The following DCHS1 variants were observed in gnomAD, a reference collection of about 807,000 sequenced individuals.
DCHS1 encodes the protein protocadherin-16.
In DCHS1, 78 loss-of-function variants were observed where a neutral mutation model predicts 213.9. That is an observed-to-expected ratio of 0.36 (90% CI 0.30 to 0.44). DCHS1 has a LOEUF of 0.44. DCHS1 is among the 20% of genes least tolerant of loss of function. DCHS1 has a pLI of 1.00. For synonymous variants in DCHS1, 1,828 were observed against 1,873.7 expected, an observed-to-expected ratio of 0.98 and a Z score of 0.63; for missense variants, 3,946 against 4,395.9, an observed-to-expected ratio of 0.90 and a Z score of 2.89.
chr11:6,655,703 G>A lies in DCHS1; in HGVS notation c.-261C>T, dbSNP rs1856306448. ...GTCTCCGAGGCCCGCGATCCCCTCC[G>A]GGCAGCCGCCGTCGGTCCGCGCGCC... On this transcript the variant is annotated 5_prime_UTR_variant, in exon 1 of 21. Transcript: ENST00000299441. 2.0e-6 allele frequency: 2 copies of A among 978,044 alleles called. No individual in the cohort carries two copies. The allele number at this position is 978,044 out of a possible 1,614,324, so 60.6% of individuals were successfully genotyped here.
chr11:6,648,031 G>T (rs899797799), intron 1 of DCHS1, among the ~76,000 whole-genome samples: 1 of 152,216 alleles, frequency 6.6e-6, no homozygotes, highest in Non-Finnish European at 1.5e-5. Flanking sequence ...CAGGGTTCTG[G>T]CCAGGTTACT....
Position 6,641,147 on chromosome 11 carries a change from G to A in DCHS1, c.467C>T (p.Thr156Ile), listed in dbSNP as rs1246053165. ...ARAALQVPEH[T>I]AFGTRYPLEP... ...CAGTGGGTAGCGGGTGCCAAAAGCT[G>A]TATGCTCAGGTACCTGCAGGGCAGC... The change falls in exon 2 of 21, where the codon ACA (threonine) becomes ATA (isoleucine). Residue 156 changes from threonine (T) to isoleucine (I), a missense_variant. Coordinates refer to ENST00000299441, the MANE Select transcript of DCHS1 (RefSeq NM_003737.4). This position sits in a 1 kb window ranked among gnomAD's most constrained non-coding sequence, Gnocchi z 7.1. 1.2e-6 allele frequency: 2 copies of A among 1,613,734 alleles called. No individual in the cohort carries two copies. Among genetic ancestry groups the A allele is most frequent in the East Asian group, 2.2e-5 (1 of 44,892 alleles).
intron 12 of DCHS1, 100 bp downstream of exon 12, chr11:6,629,351 AG>A: frequency 2.7e-6 from 4 of 1,473,050 alleles, no homozygotes; most frequent in Non-Finnish European, 3.6e-6. Context: ...TTGTGGTAAT[AG>A]GCAAAAACTT....
At position 6,630,532 on chromosome 11, in the gene DCHS1, C is replaced by G. The variant is rs1470639252; in HGVS notation, c.4262G>C (p.Arg1421Pro). 13 of 1,532,068 alleles carry G rather than the reference C, an allele frequency of 8.5e-6. No individual in the cohort carries two copies. The highest frequency in any genetic ancestry group is 1.0e-5 in the Non-Finnish European group (12 of 1,145,896). 94.9% of individuals were successfully genotyped at this position (1,532,068 alleles called of 1,614,324 possible). A position where few individuals can be genotyped will look rare whatever the true frequency, so the allele number is the denominator to read the frequency against. ...CTCGTCCTGCACTTGCACCTGCACT[C>G]GCAGCAGCCGCGCGCCCGCGCCTCC... ...GPGGAGARLL[R>P]VQVQVQDENE... The change falls in exon 10 of 21, where the codon CGA (arginine) becomes CCA (proline). Residue 1421 changes from arginine to proline, a missense_variant. Coordinates refer to ENST00000299441, the MANE Select transcript of DCHS1 (RefSeq NM_003737.4).
At position 6,627,697 on chromosome 11, in the gene DCHS1, T is replaced by C. The variant is rs745571652; in HGVS notation, c.5372-30A>G. On this transcript the variant is annotated intron_variant, in intron 13 of 20. Transcript: ENST00000299441. The surrounding 1 kb of genome is among the most constrained non-coding windows in gnomAD (Gnocchi z 5.4). ...AGAGAAGGGCATGCACATATAAATATACATGTGTCGTGGGGATGGGGGTGA... is the reference window on the plus strand; with the variant it reads ...AGAGAAGGGCATGCACATATAAATACACATGTGTCGTGGGGATGGGGGTGA... The C allele has an allele frequency of 6.3e-7, 1 of 1,594,308 alleles. No homozygotes were observed. The highest frequency in any genetic ancestry group is 8.6e-7 in the Non-Finnish European group (1 of 1,166,938).
chr11:6,654,877 T>C (rs1442849282), intron 1 of DCHS1, among the ~76,000 whole-genome samples: 1 of 152,062 alleles, frequency 6.6e-6, no homozygotes, highest in Non-Finnish European at 1.5e-5. Flanking sequence ...CCCCTCCACG[T>C]GGGACCCACG....
Position 6,623,204 on chromosome 11 carries a change from T to C in DCHS1, c.8472A>G (p.Glu2824=), listed in dbSNP as rs752387035. 39 of 1,601,552 alleles carry C rather than the reference T, an allele frequency of 2.4e-5. No homozygotes were observed. The South Asian group carries it at 4.0e-4, about 17-fold the overall frequency. Residue 2824 remains glutamate, a synonymous_variant, in exon 21 of 21, where the codon GAA becomes GAG. Transcript: ENST00000299441. ...LAPAFHFQVP[E]GARRGHSLGH... is the part of the protein sequence containing the mutation. Reference sequence around the variant, plus strand: ...CCAAGCTGTGGCCACGCCGGGCACCTTCGGGCACTTGGAAGTGGAAAGCTG... The same window carrying C: ...CCAAGCTGTGGCCACGCCGGGCACCCTCGGGCACTTGGAAGTGGAAAGCTG...
chr11:6,640,558 C>A lies in DCHS1; in HGVS notation c.1056G>T (p.Val352=), dbSNP rs1383508460. 1 of 1,609,394 alleles carries A rather than the reference C, an allele frequency of 6.2e-7. No individual in the cohort carries two copies. The highest frequency in any genetic ancestry group is 8.5e-7 in the Non-Finnish European group (1 of 1,179,846). ...AGGGCTGATTGTCATTGGCATCTCG[C>A]ACATGCACAGTCACAAAGGCCGAGC... ...ELGSAFVTVH[V]RDANDNQPSM... Residue 352 remains valine, a synonymous_variant, in exon 2 of 21, where the codon GTG becomes GTT. Transcript: ENST00000299441. This position sits in a 1 kb window ranked among gnomAD's most constrained non-coding sequence, Gnocchi z 6.5.
chr11:6,645,767 G>A (rs1856145218), intron 1 of DCHS1, among the ~76,000 whole-genome samples: 1 of 152,082 alleles, frequency 6.6e-6, no homozygotes, highest in East Asian at 1.9e-4. Flanking sequence ...ACACGCAAAG[G>A]TGCACACTCA....
chr11:6,630,065 C>A lies in DCHS1; in HGVS notation c.4729G>T (p.Ala1577Ser). The change falls in exon 10 of 21, where the codon GCT (alanine) becomes TCT (serine). Residue 1577 changes from alanine (A) to serine (S), a missense_variant. Transcript: ENST00000299441. ...GCCAGCCGATAGGACACGCGTGCAG[C>A]CTCGCCCAGATCCGGGTCCCGGGCT... ...VVARDPDLGE[A>S]ARVSYRLASG... The A allele has an allele frequency of 1.3e-6, 2 of 1,573,100 alleles. No individual in the cohort carries two copies. Among genetic ancestry groups the A allele is most frequent in the South Asian group, 2.4e-5 (2 of 85,036 alleles).
At position 6,640,610 on chromosome 11, in the gene DCHS1, C is replaced by T. The variant is rs759077108; in HGVS notation, c.1004G>A (p.Arg335Gln). 15 of 1,609,122 alleles carry T rather than the reference C, an allele frequency of 9.3e-6. No homozygotes were observed. In the Admixed American group the frequency reaches 1.7e-4, roughly 18 times the overall value. Residue 335 changes from arginine (R) to glutamine (Q), a missense_variant, in exon 2 of 21, where the codon CGA becomes CAA. Arg to Gln is a conservative substitution (Grantham distance 43). Transcript: ENST00000299441. The surrounding 1 kb of genome is among the most constrained non-coding windows in gnomAD (Gnocchi z 6.5). ...RRVHELVVQA[R>Q]DGGAHPELGS... ...CAGCTCAGGGTGAGCCCCACCATCT[C>T]GTGCTTGCACCACCAGTTCATGGAC...
chr11:6,624,680 T>G (rs202152693), intron 20 of DCHS1, 50 bp downstream of exon 20: 32 of 1,611,358 alleles, frequency 2.0e-5, no homozygotes, highest in Non-Finnish European at 2.5e-5. Flanking sequence ...GAGGTCAGAT[T>G]ACAGCCCAAC....
At chr11:6,655,063 C>A (rs1164544219) in intron 1 of DCHS1, among the ~76,000 whole-genome samples, 3 of 152,140 alleles carry the variant, frequency 2.0e-5, no homozygotes, top group African/African-American at 7.2e-5. Flanking sequence ...CACTCAGTTT[C>A]TTTGTCTCTG....
At chr11:6,636,817 T>C (rs950798962) in intron 2 of DCHS1, among the ~76,000 whole-genome samples, 2 of 152,198 alleles carry the variant, frequency 1.3e-5, no homozygotes, top group Middle Eastern at 3.2e-3. Context: ...TGCCTTTTAC[T>C]TCAGCCATCG....
At chr11:6,643,302 A>AT (rs936103021) in intron 1 of DCHS1, among the ~76,000 whole-genome samples, 5 of 151,972 alleles carry the variant, frequency 3.3e-5, no homozygotes, top group African/African-American at 7.3e-5. Context: ...TTTCTGAAAG[A>AT]TTTTTTCATT....
At position 6,626,537 on chromosome 11, in the gene DCHS1, G is replaced by A. The variant is rs1199567722; in HGVS notation, c.6364+15C>T. On this transcript the variant is annotated intron_variant, in intron 15 of 20. Coordinates refer to ENST00000299441, the MANE Select transcript of DCHS1 (RefSeq NM_003737.4). The surrounding 1 kb of genome is among the most constrained non-coding windows in gnomAD (Gnocchi z 5.2). ...GTAGCCTGTCCTGCACAGAGCCCCT[G>A]CTCCTATTTCTTACCTGTACTAGGC... 8 of 1,612,634 alleles carry A rather than the reference G, an allele frequency of 5.0e-6. No individual in the cohort carries two copies. Among genetic ancestry groups the A allele is most frequent in the African/African-American group, 1.3e-5 (1 of 74,898 alleles).
Position 6,622,063 on chromosome 11 carries a change from T to C in DCHS1, c.9613A>G (p.Ile3205Val). 1.2e-6 allele frequency: 2 copies of C among 1,607,162 alleles called. No homozygotes were observed. Among genetic ancestry groups the C allele is most frequent in the Middle Eastern group, 1.7e-4 (1 of 6,058 alleles). ...GCTCCTGGGTGGGCCACGGCAGTGA[T>C]GAGGGGTGGTGGGTCGATACGGGGA... is the stretch of plus-strand genomic sequence containing the variant. The part of the protein sequence containing the change: ...PAPRIDPPPL[I>V]TAVAHPGAKS... Residue 3205 changes from isoleucine to valine, a missense_variant, in exon 21 of 21, where the codon ATC becomes GTC. By Grantham distance (29) the Ile-to-Val change is conservative (BLOSUM62 3). Coordinates refer to ENST00000299441, the MANE Select transcript of DCHS1 (RefSeq NM_003737.4). This position sits in a 1 kb window ranked among gnomAD's most constrained non-coding sequence, Gnocchi z 5.4.
intron 12 of DCHS1, among the ~76,000 whole-genome samples, chr11:6,629,198 G>T (rs570026526): frequency 3.9e-5 from 6 of 152,210 alleles, no homozygotes; most frequent in Non-Finnish European, 8.8e-5. Flanking sequence ...TGCAGTATCT[G>T]AGGGAGGCCT....
chr11:6,621,748 A>T lies in DCHS1; in HGVS notation c.*31T>A. 1 of 1,550,704 alleles carries T rather than the reference A, an allele frequency of 6.4e-7. No homozygotes were observed. The highest frequency in any genetic ancestry group is 8.7e-7 in the Non-Finnish European group (1 of 1,148,854). ...GGCCTGCGTTGGGGACACTGTGCGC[A>T]TCCCAGGTCGGGGCCCAGCCTGGGC... On this transcript the variant is annotated 3_prime_UTR_variant, in exon 21 of 21. Transcript: ENST00000299441.
Sources: allele counts gnomAD v4.1 joint callset (sites outside exome capture counted in the v4.1 genomes callset), GRCh38; gene constraint gnomAD v4.1.1; non-coding constraint Gnocchi (gnomAD v3.1); transcripts MANE v1.5; gene names NCBI Gene and HGNC (gene_info 2026-07-23, HGNC 2026-07-21).